MYO16: variants seen among roughly 807,000 people sequenced by gnomAD.
The protein encoded by MYO16 is unconventional myosin-XVI.
Under a neutral mutation model 205.3 loss-of-function variants are expected in MYO16, and 94 were observed. That is an observed-to-expected ratio of 0.46 (90% confidence interval 0.39 to 0.54). The LOEUF (loss-of-function observed/expected upper bound fraction) is 0.54. Among genes scored for constraint, MYO16 ranks in the 20% least tolerant of loss-of-function variants. The pLI, the probability that MYO16 is intolerant of heterozygous loss-of-function variation, is 0.00. For synonymous variants in MYO16, 988 were observed against 954.0 expected (o/e 1.04, Z -0.66); for missense variants, 2,315 against 2,387.5 (o/e 0.97, Z 0.63).
At chr13:109,075,354 A>G (rs775780530) in intron 27 of MYO16, among the ~76,000 whole-genome samples, 30 of 44,930 alleles carry the variant, frequency 6.7e-4, no homozygotes, top group Non-Finnish European at 1.6e-3. Flanking sequence ...CATTTCTGGC[A>G]TTAAAATGAA....
chr13:108,534,035 A>T, the MYO16 span, among the ~76,000 whole-genome samples: 2 of 152,170 alleles, frequency 1.3e-5, no homozygotes, highest in Non-Finnish European at 2.9e-5. Context: ...GTTACAACTC[A>T]AGCTAATTAC....
chr13:109,055,040 T>C lies in MYO16; in HGVS notation c.3049-6T>C. 1 of 1,518,354 alleles carries C rather than the reference T, an allele frequency of 6.6e-7. No homozygotes were observed. The highest frequency in any genetic ancestry group is 9.0e-7 in the Non-Finnish European group (1 of 1,111,858). 94.1% of individuals were successfully genotyped at this position (1,518,354 alleles called of 1,614,324 possible). A position where few individuals can be genotyped will look rare whatever the true frequency, so the allele number is the denominator to read the frequency against. ...CCTGTCCTTCTTGTCTTTCTTTTTA[T>C]TACAGTTATTAAAAAAGAAAGGAAC... is the stretch of plus-strand genomic sequence containing the variant. On this transcript the variant is annotated splice_polypyrimidine_tract_variant and splice_region_variant and intron_variant, in intron 25 of 34. Coordinates refer to ENST00000457511, the MANE Select transcript of MYO16 (RefSeq NM_001198950.3). The surrounding 1 kb of genome is among the most constrained non-coding windows in gnomAD (Gnocchi z 5.0).
At chr13:108,779,730 C>A (rs924718827) in intron 4 of MYO16, 1 of 152,178 alleles carries the variant, frequency 6.6e-6, no homozygotes, top group South Asian at 2.1e-4. Flanking sequence ...GTCTCCCACA[C>A]GCCAGTGACA....
At chr13:109,148,882 T>C (rs1877488115) in intron 32 of MYO16, among the ~76,000 whole-genome samples, 1 of 152,130 alleles carries the variant, frequency 6.6e-6, no homozygotes, top group East Asian at 1.9e-4. Flanking sequence ...GCTCTCTAGG[T>C]GCAGAAGTCA....
intron 31 of MYO16, among the ~76,000 whole-genome samples, chr13:109,133,526 C>T (rs963178692): frequency 7.2e-5 from 11 of 152,158 alleles, no homozygotes; most frequent in African/African-American, 2.4e-4. Context: ...GATCTCCTAA[C>T]GTGACACACA....
At chr13:109,065,714 C>T in intron 27 of MYO16, 1 of 345,888 alleles carries the variant, frequency 2.9e-6, no homozygotes, top group Admixed American at 4.1e-5. Context: ...GGTCCTATGG[C>T]TCTCTCTCAA....
intron 9 of MYO16, among the ~76,000 whole-genome samples, chr13:108,826,837 T>C (rs1465770602): frequency 2.6e-5 from 4 of 152,100 alleles, no homozygotes; most frequent in African/African-American, 9.7e-5. Context: ...TACCACTTTA[T>C]ACTTCCTAGA....
intron 7 of MYO16, among the ~76,000 whole-genome samples, chr13:108,819,388 T>C (rs975531081): frequency 9.8e-5 from 15 of 152,304 alleles, no homozygotes; most frequent in African/African-American, 3.6e-4. Flanking sequence ...TTCATTTCTA[T>C]GAATGTCACA....
chr13:108,781,892 C>T (rs1886315610), intron 4 of MYO16, among the ~76,000 whole-genome samples: 6 of 152,170 alleles, frequency 3.9e-5, no homozygotes, highest in Admixed American at 3.9e-4. Flanking sequence ...GTAAGAAGAG[C>T]CTTTTACCTC....
chr13:108,756,404 T>G (rs776230443), intron 4 of MYO16, among the ~76,000 whole-genome samples: 4 of 152,148 alleles, frequency 2.6e-5, no homozygotes, highest in Admixed American at 1.3e-4. Context: ...TTCATAACTT[T>G]GAGAAACACA....
Position 108,845,363 on chromosome 13 carries a change from A to C in MYO16, c.1248+870A>C, listed in dbSNP as rs572001826. Reference sequence around the variant, plus strand: ...TGGGTGGCTTGGACAACAGAAATGCATTTCTCACAGTCGTGGAGGCATCTG... The same window carrying C: ...TGGGTGGCTTGGACAACAGAAATGCCTTTCTCACAGTCGTGGAGGCATCTG... On this transcript the variant is annotated intron_variant, in intron 10 of 34. Transcript: ENST00000457511. Among the ~76,000 whole-genome samples the C allele has an allele frequency of 8.5e-5, 13 of 152,278 alleles. No homozygotes were observed. The South Asian group carries it at 2.3e-3, about 27-fold the overall frequency.
chr13:109,082,128 G>A (rs187479851), intron 27 of MYO16, among the ~76,000 whole-genome samples: 153 of 152,276 alleles, frequency 1.0e-3, no homozygotes, highest in African/African-American at 3.4e-3. Context: ...CTTGGCATTT[G>A]ATATTTGTGG....
At chr13:108,811,537 CACCT>C (rs1397068213) in intron 7 of MYO16, among the ~76,000 whole-genome samples, 40 of 71,214 alleles carry the variant, frequency 5.6e-4, no homozygotes, top group African/African-American at 1.1e-3. Context: ...CCTCTAACAC[CACCT>C]GTTTAAAAAA....
intron 1 of MYO16, among the ~76,000 whole-genome samples, chr13:108,638,959 G>A (rs1464114364): frequency 1.3e-5 from 2 of 152,106 alleles, no homozygotes; most frequent in Admixed American, 6.6e-5. Context: ...AGGGAAGAAG[G>A]CCTGCACAAA....
chr13:108,994,550 A>G (rs1036636364), intron 21 of MYO16, among the ~76,000 whole-genome samples: 38 of 152,306 alleles, frequency 2.5e-4, no homozygotes, highest in African/African-American at 8.9e-4. Flanking sequence ...TGTTGCTAAC[A>G]GAAGCTGGAC....
At chr13:108,938,588 A>C (rs940511114) in intron 16 of MYO16, among the ~76,000 whole-genome samples, 1 of 152,230 alleles carries the variant, frequency 6.6e-6, no homozygotes, top group Admixed American at 6.5e-5. Context: ...CTCCTACTCC[A>C]GGAGAGTGGG....
chr13:108,762,774 G>T (rs946040540), intron 4 of MYO16, among the ~76,000 whole-genome samples: 2 of 152,282 alleles, frequency 1.3e-5, no homozygotes, highest in Non-Finnish European at 1.5e-5. Context: ...TTTAAAGAGA[G>T]ACTTGAACTG....
chr13:109,000,401 A>T (rs1885176059), intron 21 of MYO16, among the ~76,000 whole-genome samples: 1 of 152,202 alleles, frequency 6.6e-6, no homozygotes, highest in Non-Finnish European at 1.5e-5. Flanking sequence ...TCAGAGGCAG[A>T]TGTGTGAGGC....
intron 27 of MYO16, among the ~76,000 whole-genome samples, chr13:109,087,634 G>A (rs944468999): frequency 3.3e-5 from 5 of 152,248 alleles, no homozygotes; most frequent in Middle Eastern, 3.4e-3. Context: ...TGACAAAAGT[G>A]TGGTCTGTCT....
Sources: allele counts gnomAD v4.1 joint callset (sites outside exome capture counted in the v4.1 genomes callset), GRCh38; gene constraint gnomAD v4.1.1; non-coding constraint Gnocchi (gnomAD v3.1); transcripts MANE v1.5; gene names NCBI Gene and HGNC (gene_info 2026-07-23, HGNC 2026-07-21).